TNNI3K: variants seen among roughly 807,000 people sequenced by gnomAD.
The protein encoded by TNNI3K is serine/threonine-protein kinase TNNI3K.
TNNI3K carries 140 observed loss-of-function variants against 114.5 expected under a neutral mutation model. The observed-to-expected ratio is 1.22, with a 90% CI of 1.07 to 1.41. TNNI3K has a LOEUF of 1.41. Ranked by LOEUF, TNNI3K falls within the 40% of genes most tolerant of loss-of-function variation. TNNI3K has a pLI of 0.00. For missense variants in TNNI3K, 1,125 were observed against 1,007.6 expected (o/e 1.12, Z -1.58); for synonymous variants, 347 against 347.5 (o/e 1.00, Z 0.02).
At chr1:74,463,292 A>T (rs1462666987) in intron 20 of TNNI3K, 149 bp from the exon 21 acceptor site, 2 of 749,822 alleles carry the variant, frequency 2.7e-6, no homozygotes, top group Admixed American at 4.9e-5. Flanking sequence ...TCTTTAGACC[A>T]TTGGGGGAAA....
At chr1:74,309,360 C>A (rs1658844153) in intron 5 of TNNI3K, among the ~76,000 whole-genome samples, 1 of 328 alleles carries the variant, frequency 3.0e-3, no homozygotes, top group South Asian at 0.12. Flanking sequence ...CAGCGAGACT[C>A]TGTCTCAAAA....
At chr1:74,451,645 T>TC (rs1557574875) in intron 20 of TNNI3K, among the ~76,000 whole-genome samples, 12 of 137,372 alleles carry the variant, frequency 8.7e-5, no homozygotes, top group East Asian at 4.5e-4. Flanking sequence ...TTTCTTTCTT[T>TC]CTTTCCTTTC....
intron 4 of TNNI3K, among the ~76,000 whole-genome samples, chr1:74,271,325 G>T (rs1287539874): frequency 6.6e-6 from 1 of 151,902 alleles, no homozygotes; most frequent in Non-Finnish European, 1.5e-5. Flanking sequence ...GTTTGTGGTT[G>T]CAAGAGTCTC....
chr1:74,383,842 T>G (rs1408734699), intron 17 of TNNI3K, among the ~76,000 whole-genome samples: 1 of 152,094 alleles, frequency 6.6e-6, no homozygotes, highest in Admixed American at 6.6e-5. Context: ...TCTTCGTAGC[T>G]CTATATGATG....
chr1:74,511,406 A>ACTC (rs1242247734), intron 23 of TNNI3K, among the ~76,000 whole-genome samples: 1 of 151,632 alleles, frequency 6.6e-6, no homozygotes, highest in Non-Finnish European at 1.5e-5. Flanking sequence ...TTGGCCTCGA[A>ACTC]CTCCTGGTCT....
At chr1:74,243,070 A>G (rs918803637) in intron 2 of TNNI3K, among the ~76,000 whole-genome samples, 1 of 152,216 alleles carries the variant, frequency 6.6e-6, no homozygotes, top group African/African-American at 2.4e-5. Context: ...CTATTATAGC[A>G]GCTAATATTT....
chr1:74,454,971 G>GTAT (rs370123909), intron 20 of TNNI3K, among the ~76,000 whole-genome samples: 6 of 151,946 alleles, frequency 3.9e-5, no homozygotes, highest in Middle Eastern at 3.4e-3. Flanking sequence ...TAAATGTTAG[G>GTAT]TATTATTATT....
At chr1:74,523,938 G>T (rs1456516045) in intron 23 of TNNI3K, among the ~76,000 whole-genome samples, 4 of 135,258 alleles carry the variant, frequency 3.0e-5, no homozygotes, top group Non-Finnish European at 6.3e-5. Context: ...CCCCACCCCC[G>T]ACAGGCCCCA....
chr1:74,494,857 G>C (rs45508604), intron 23 of TNNI3K, among the ~76,000 whole-genome samples: 4,781 of 152,230 alleles, frequency 0.031, 253 homozygotes, highest in African/African-American at 0.11. Flanking sequence ...GATGCCAGCA[G>C]AACCAAGCAA....
At chr1:74,444,233 G>A (rs1666524331) in intron 20 of TNNI3K, among the ~76,000 whole-genome samples, 1 of 152,176 alleles carries the variant, frequency 6.6e-6, no homozygotes. Flanking sequence ...TCTGTTTGCA[G>A]ATGACATGAT....
chr1:74,319,051 T>C (rs1257393643), intron 5 of TNNI3K, among the ~76,000 whole-genome samples: 5 of 152,198 alleles, frequency 3.3e-5, no homozygotes, highest in Non-Finnish European at 7.4e-5. Flanking sequence ...TTTCTATAGG[T>C]CAAGAATCTT....
intron 20 of TNNI3K, among the ~76,000 whole-genome samples, chr1:74,449,742 C>T (rs1187686721): frequency 1.3e-5 from 2 of 151,408 alleles, no homozygotes. Flanking sequence ...CAGGAGCACC[C>T]AAATTCATAA....
intron 20 of TNNI3K, among the ~76,000 whole-genome samples, chr1:74,445,684 C>T (rs1291365889): frequency 2.4e-4 from 35 of 145,840 alleles, no homozygotes; most frequent in Non-Finnish European, 4.6e-4. Context: ...GATCTCGGCT[C>T]ACTGCAAGTT....
intron 23 of TNNI3K, among the ~76,000 whole-genome samples, chr1:74,518,028 C>T (rs1023237719): frequency 1.2e-4 from 19 of 152,210 alleles, no homozygotes; most frequent in Middle Eastern, 3.4e-3. Context: ...TTTGAGCAAG[C>T]GATGACCTCG....
intron 5 of TNNI3K, among the ~76,000 whole-genome samples, chr1:74,292,266 C>T (rs1176713626): frequency 6.6e-6 from 1 of 151,272 alleles, no homozygotes; most frequent in Non-Finnish European, 1.5e-5. Flanking sequence ...TTCTTAACTT[C>T]ATATAATTTC....
At chr1:74,309,473 T>C (rs1450801794) in intron 5 of TNNI3K, among the ~76,000 whole-genome samples, 2 of 151,716 alleles carry the variant, frequency 1.3e-5, no homozygotes, top group East Asian at 3.9e-4. Flanking sequence ...TAGTATCACC[T>C]TGGATACCAA....
chr1:74,257,052 A>C (rs1655359084), intron 4 of TNNI3K, among the ~76,000 whole-genome samples: 1 of 152,216 alleles, frequency 6.6e-6, no homozygotes, highest in Non-Finnish European at 1.5e-5. Flanking sequence ...TCCACATATC[A>C]CTGAGTCTGC....
At position 74,353,324 on chromosome 1, in the gene TNNI3K, A is replaced by AT. The variant is rs773166304; in HGVS notation, c.992dup (p.Asn332LysfsTer31). 6.2e-7 allele frequency: 1 copy of AT among 1,613,910 alleles called. No individual in the cohort carries two copies. Among genetic ancestry groups the AT allele is most frequent in the South Asian group, 1.1e-5 (1 of 91,074 alleles). On this transcript the variant is annotated frameshift_variant, in exon 10 of 25. Transcript: ENST00000326637. LOFTEE classifies it high-confidence loss of function. ...CAAATTTCTTCTTGATCAGAATGTC[A>AT]TAAACATCAACCACCAAGGAAGGGA...
intron 17 of TNNI3K, among the ~76,000 whole-genome samples, chr1:74,408,089 A>G (rs376372986): frequency 2.0e-5 from 3 of 152,120 alleles, no homozygotes; most frequent in East Asian, 1.9e-4. Flanking sequence ...CTTCTCAAAC[A>G]CTTCAAGTTG....
Sources: allele counts gnomAD v4.1 joint callset (sites outside exome capture counted in the v4.1 genomes callset), GRCh38; gene constraint gnomAD v4.1.1; transcripts MANE v1.5; gene names NCBI Gene and HGNC (gene_info 2026-07-23, HGNC 2026-07-21).